Variants in ANKAR observed in about 807,000 individuals in gnomAD.
The protein encoded by ANKAR is ankyrin and armadillo repeat-containing protein.
Under a neutral mutation model 146.2 loss-of-function variants are expected in ANKAR, and 136 were observed. The observed-to-expected ratio is 0.93, with a 90% CI of 0.81 to 1.07. ANKAR has a LOEUF of 1.07. Ranked by LOEUF, ANKAR falls within the 50% of genes least tolerant of loss-of-function variation. ANKAR has a pLI of 0.00. For missense variants in ANKAR, 1,567 were observed against 1,679.9 expected (o/e 0.93, Z 1.18); for synonymous variants, 500 against 575.8 (o/e 0.87, Z 1.88).
At chr2:189,694,253 CA>C (rs2036864070) in intron 5 of ANKAR, among the ~76,000 whole-genome samples, 1 of 152,056 alleles carries the variant, frequency 6.6e-6, no homozygotes, top group Admixed American at 6.6e-5. Context: ...ACTGTATTTA[CA>C]GCAATAAATA....
intron 7 of ANKAR, 46 bp downstream of exon 7, chr2:189,696,415 C>T: frequency 6.4e-7 from 1 of 1,561,438 alleles, no homozygotes; most frequent in Non-Finnish European, 8.7e-7. Flanking sequence ...TTTATTTACC[C>T]TTACTCAGCA....
intron 16 of ANKAR, 118 bp from the exon 17 acceptor site, chr2:189,732,989 A>G (rs2042555236): frequency 5.1e-6 from 5 of 983,218 alleles, no homozygotes; most frequent in African/African-American, 1.7e-5. Flanking sequence ...AATGGATTAT[A>G]TTTTAGCAGA....
intron 10 of ANKAR, among the ~76,000 whole-genome samples, chr2:189,718,359 GACAC>G (rs66795152): frequency 0.053 from 8,003 of 151,088 alleles, 340 homozygotes; most frequent in African/African-American, 0.11. Flanking sequence ...TCTACACACA[GACAC>G]ACACACACAC....
intron 8 of ANKAR, among the ~76,000 whole-genome samples, chr2:189,706,117 C>T (rs1164238600): frequency 6.6e-6 from 1 of 151,770 alleles, no homozygotes; most frequent in Non-Finnish European, 1.5e-5. Context: ...AAGAAGAGGC[C>T]AGGTGCGGTG....
chr2:189,689,906 G>C lies in ANKAR; in HGVS notation c.981G>C (p.Leu327=). 6.4e-7 allele frequency: 1 copy of C among 1,556,344 alleles called. No homozygotes were observed. ...KLICFLIPFL[L]SLKKKMKVPY... ...TATGTTTTCTGATTCCATTTCTACT[G>C]AGTTTAAAGAAGAAAATGAAAGTTC... Residue 327 remains leucine, a synonymous_variant, in exon 3 of 23, where the codon CTG becomes CTC. Coordinates refer to ENST00000684021, the MANE Select transcript of ANKAR (RefSeq NM_001378068.1).
intron 7 of ANKAR, among the ~76,000 whole-genome samples, chr2:189,697,564 G>C (rs1482083128): frequency 6.6e-6 from 1 of 151,952 alleles, no homozygotes; most frequent in Non-Finnish European, 1.5e-5. Flanking sequence ...AGATTCTTCT[G>C]TTACTGAAAA....
intron 18 of ANKAR, chr2:189,755,608 G>GGGCCGGGCGCGGTGGCTC: frequency 6.5e-7 from 1 of 1,543,810 alleles, no homozygotes; most frequent in Non-Finnish European, 8.7e-7. Context: ...TTGTAAAAAT[G>GGGCCGGGCGCGGTGGCTC]AAGAAAAATG....
downstream of ANKAR, among the ~76,000 whole-genome samples, chr2:189,749,475 C>T (rs1029844603): frequency 6.6e-5 from 10 of 151,346 alleles, no homozygotes; most frequent in African/African-American, 1.9e-4. Context: ...AAGAATTGTA[C>T]ATTTAGTTAC....
At chr2:189,734,850 G>A (rs78477302) in intron 17 of ANKAR, among the ~76,000 whole-genome samples, 1 of 151,980 alleles carries the variant, frequency 6.6e-6, no homozygotes. Flanking sequence ...TGTAGTCCTA[G>A]CTACTTGGGA....
At chr2:189,708,449 A>G (rs146751730) in intron 9 of ANKAR, among the ~76,000 whole-genome samples, 17 of 152,366 alleles carry the variant, frequency 1.1e-4, no homozygotes, top group Non-Finnish European at 1.2e-4. Flanking sequence ...AGTGATACAC[A>G]TTCGGAAGAA....
Position 189,728,781 on chromosome 2 carries a change from A to G in ANKAR, c.3153A>G (p.Thr1051=). ...LLRISTIAEG[T]LLSVIRAVGS... ...GAATTAGTACGATTGCTGAAGGCAC[A>G]CTTCTCAGTGTCATCAGAGCAGTGG... is the stretch of plus-strand genomic sequence containing the variant. Residue 1051 remains threonine (T), a synonymous_variant, in exon 15 of 23, where the codon ACA becomes ACG. Transcript: ENST00000684021. The G allele has an allele frequency of 6.2e-7, 1 of 1,614,026 alleles. No individual in the cohort carries two copies. Among genetic ancestry groups the G allele is most frequent in the South Asian group, 1.1e-5 (1 of 91,080 alleles).
intron 13 of ANKAR, 71 bp from the exon 14 acceptor site, chr2:189,728,195 AT>A: frequency 6.7e-7 from 1 of 1,503,034 alleles, no homozygotes; most frequent in South Asian, 1.3e-5. Flanking sequence ...TAGAATAAAC[AT>A]TTTATAAAAT....
chr2:189,717,193 T>C (rs957185060), intron 10 of ANKAR, among the ~76,000 whole-genome samples: 1 of 152,192 alleles, frequency 6.6e-6, no homozygotes, highest in Non-Finnish European at 1.5e-5. Context: ...TCTACCCATC[T>C]GACAAAGGGC....
intron 10 of ANKAR, among the ~76,000 whole-genome samples, chr2:189,715,191 G>T (rs1459613251): frequency 1.3e-5 from 2 of 152,008 alleles, no homozygotes; most frequent in African/African-American, 4.8e-5. Context: ...TAGACCACTA[G>T]CAAGACTAAT....
At position 189,692,570 on chromosome 2, in the gene ANKAR, A is replaced by G. The variant is rs767281562; in HGVS notation, c.1203+152A>G. The G allele has an allele frequency of 9.3e-6, 6 of 648,014 alleles. No individual in the cohort carries two copies. The African/African-American group carries it at 1.1e-4, about 12-fold the overall frequency. 40.1% of individuals were successfully genotyped at this position (648,014 alleles called of 1,614,324 possible). A position where few individuals can be genotyped will look rare whatever the true frequency, so the allele number is the denominator to read the frequency against. On this transcript the variant is annotated intron_variant, in intron 4 of 22. Coordinates refer to ENST00000684021, the MANE Select transcript of ANKAR (RefSeq NM_001378068.1). ...TAATTTTTTCATACATTATTTTAAC[A>G]TCAATGAATTAAGTGCAGATATATG...
intron 20 of ANKAR, 48 bp downstream of exon 20, chr2:189,741,499 T>C: frequency 7.1e-7 from 1 of 1,398,924 alleles, no homozygotes; most frequent in East Asian, 2.4e-5. Context: ...GCTAAAAATA[T>C]AATTTACCTC....
In ANKAR at chr2:189,746,478, A is replaced by G; in HGVS notation, c.4156A>G (p.Thr1386Ala). 1 of 1,613,974 alleles carries G rather than the reference A, an allele frequency of 6.2e-7. No individual in the cohort carries two copies. ...TAACTTCATGGGACTCTTCAAAGCA[A>G]CAAAAAAGACCAAGGATTCCCATAA... ...VTNFMGLFKA[T>A]KKTKDSHNIF... The change falls in exon 23 of 23, where the codon ACA (threonine) becomes GCA (alanine). Residue 1386 changes from threonine to alanine, a missense_variant. Coordinates refer to ENST00000684021, the MANE Select transcript of ANKAR (RefSeq NM_001378068.1).
Position 189,720,689 on chromosome 2 carries a change from G to C in ANKAR, c.2537G>C (p.Cys846Ser), listed in dbSNP as rs147236456. The change falls in exon 12 of 23, where the codon TGT becomes TCT. Residue 846 changes from cysteine (C) to serine (S), a missense_variant. By Grantham distance (112) the Cys-to-Ser change is moderately radical (BLOSUM62 -1). Transcript: ENST00000684021. ...AATGTGCTAGTAAATGTAATGAACT[G>C]TATACGGGTATTGTGTATAGGAAAT... ...IENVLVNVMN[C>S]IRVLCIGNEN... 1.3e-6 allele frequency: 2 copies of C among 1,502,914 alleles called. No individual in the cohort carries two copies. 93.1% of individuals were successfully genotyped at this position (1,502,914 alleles called of 1,614,324 possible).
intron 6 of ANKAR, 131 bp downstream of exon 6, chr2:189,695,292 T>C: frequency 1.4e-6 from 1 of 723,562 alleles, no homozygotes; most frequent in Non-Finnish European, 2.1e-6. Context: ...AATGCCACAT[T>C]TTAGTAGCTG....
Sources: gnomAD v4.1 joint callset for allele counts (sites outside exome capture counted in the v4.1 genomes callset) on GRCh38, gnomAD v4.1.1 for gene constraint, MANE v1.5 for transcripts, NCBI Gene and HGNC (gene_info 2026-07-23, HGNC 2026-07-21) for gene names.